The following KRIT1 variants were observed in gnomAD, a reference collection of about 807,000 sequenced individuals.
The protein encoded by KRIT1 is KRIT1 ankyrin repeat containing.
Under a neutral mutation model 95.8 loss-of-function variants are expected in KRIT1, and 45 were observed. That is an observed-to-expected ratio of 0.47 (90% CI 0.37 to 0.60). The LOEUF is 0.60. Ranked by LOEUF, KRIT1 falls within the 20% of genes least tolerant of loss-of-function variation. The pLI is 0.00. For missense variants in KRIT1, 788 were observed against 877.5 expected (o/e 0.90, Z 1.29); for synonymous variants, 282 against 278.8 (o/e 1.01, Z -0.11).
intron 17 of KRIT1, chr7:92,206,496 AG>A: frequency 6.6e-6 from 1 of 152,374 alleles, no homozygotes; most frequent in South Asian, 2.1e-4. Flanking sequence ...AAGAAATCAC[AG>A]GGAGACTATA....
chr7:92,200,646 T>A lies in KRIT1; in HGVS notation c.*90A>T, dbSNP rs113023922. The A allele has an allele frequency of 6.7e-6, 6 of 890,008 alleles. No homozygotes were observed. Among genetic ancestry groups the A allele is most frequent in the Non-Finnish European group, 1.9e-6 (1 of 537,572 alleles). 55.1% of individuals were successfully genotyped at this position (890,008 alleles called of 1,614,324 possible). Reference sequence around the variant, plus strand: ...GAATTACAGGGGTGAGCCACCATGCTCGGCCAAAAGTAATATTTTAAGAAA... The same window carrying A: ...GAATTACAGGGGTGAGCCACCATGCACGGCCAAAAGTAATATTTTAAGAAA... On this transcript the variant is annotated 3_prime_UTR_variant, in exon 19 of 19. Coordinates refer to ENST00000394505, the MANE Select transcript of KRIT1 (RefSeq NM_194454.3).
chr7:92,235,404 C>T lies in KRIT1; in HGVS notation c.728G>A (p.Arg243Gln), dbSNP rs755359146. 5.6e-6 allele frequency: 9 copies of T among 1,613,442 alleles called. No individual in the cohort carries two copies. The Admixed American group carries it at 1.0e-4, about 18-fold the overall frequency. ...LFGSDLQYTN[R>Q]VDKVVINPYF... The stretch of plus-strand genomic sequence containing the variant: ...AGCTAAAATTCATTCAACTCTTACC[C>T]GATTTGTATACTGAAGATCTGATCC... The change falls in exon 8 of 19, where the codon CGG becomes CAG. Residue 243 changes from arginine to glutamine, a missense_variant and splice_region_variant. Coordinates refer to ENST00000394505, the MANE Select transcript of KRIT1 (RefSeq NM_194454.3).
chr7:92,227,072 C>A (rs555997169), intron 10 of KRIT1, among the ~76,000 whole-genome samples: 1 of 152,090 alleles, frequency 6.6e-6, no homozygotes, highest in African/African-American at 2.4e-5. Context: ...CACTTAGGCC[C>A]GGCTGTTTAC....
intron 3 of KRIT1, among the ~76,000 whole-genome samples, chr7:92,242,991 G>T (rs187029406): frequency 6.6e-6 from 1 of 151,998 alleles, no homozygotes; most frequent in Non-Finnish European, 1.5e-5. Context: ...GCTAATTTTT[G>T]TGTCTTTTAG....
intron 10 of KRIT1, among the ~76,000 whole-genome samples, chr7:92,227,727 G>T (rs751178028): frequency 1.4e-4 from 21 of 151,508 alleles, no homozygotes; most frequent in Non-Finnish European, 2.9e-4. Flanking sequence ...TAAAGATGGG[G>T]TTTCGGCCAG....
chr7:92,236,439 T>C lies in KRIT1; in HGVS notation c.459A>G (p.Thr153=), dbSNP rs781246586. 5.6e-6 allele frequency: 9 copies of C among 1,605,406 alleles called. No individual in the cohort carries two copies. The highest frequency in any genetic ancestry group is 7.7e-6 in the Non-Finnish European group (9 of 1,172,400). ...SESSTHFATL[T]ARMLIALDKW... Reference sequence around the variant, plus strand: ...TATCCAAGGCTATTAACATCCTTGCTGTAAGTGTAGCAAAATGAGTACTGG... The same window carrying C: ...TATCCAAGGCTATTAACATCCTTGCCGTAAGTGTAGCAAAATGAGTACTGG... Residue 153 remains threonine (T), a synonymous_variant, in exon 7 of 19, where the codon ACA becomes ACG. Transcript: ENST00000394505.
chr7:92,206,310 G>A (rs755134049), intron 17 of KRIT1: 2 of 152,370 alleles, frequency 1.3e-5, no homozygotes, highest in Non-Finnish European at 2.9e-5. Context: ...GCGCCCACAT[G>A]TACTATCTAG....
rs955403775 is a variant in KRIT1 at position 92,213,487 on chromosome 7, T to G, written c.1819-86A>C. The stretch of plus-strand genomic sequence containing the variant: ...TAATCCAAATAGATCAACTAAGCAG[T>G]TTCTAAAATCAAGATTGCCCCTAAA... On this transcript the variant is annotated intron_variant, in intron 16 of 18. Coordinates refer to ENST00000394505, the MANE Select transcript of KRIT1 (RefSeq NM_194454.3). The G allele has an allele frequency of 9.3e-6, 8 of 863,578 alleles. No homozygotes were observed. The African/African-American group carries it at 1.4e-4, about 15-fold the overall frequency. The allele number at this position is 863,578 out of a possible 1,614,324, so 53.5% of individuals were successfully genotyped here.
rs137861350 is a variant in KRIT1, at chr7:92,214,702, G to C, written c.1639C>G (p.Pro547Ala). 8 of 1,608,102 alleles carry C rather than the reference G, an allele frequency of 5.0e-6. No individual in the cohort carries two copies. The highest frequency in any genetic ancestry group is 6.8e-6 in the Non-Finnish European group (8 of 1,174,704). The change falls in exon 15 of 19, where the codon CCT (proline) becomes GCT (alanine). Residue 547 changes from proline to alanine, a missense_variant. Pro to Ala is a conservative substitution (Grantham distance 27). Transcript: ENST00000394505. ...YNLLKGFYTA[P>A]DAKLITLASL... ...GCCAATGTTATCAGCTTAGCATCAG[G>C]AGCTGTATAAAAGCCCTTCAATAAA...
intron 17 of KRIT1, among the ~76,000 whole-genome samples, chr7:92,204,805 T>C (rs1432464997): frequency 6.6e-6 from 1 of 152,054 alleles, no homozygotes; most frequent in Non-Finnish European, 1.5e-5. Context: ...TTACAGGCCA[T>C]GGACCGGTAC....
Position 92,237,362 on chromosome 7 carries a change from T to C in KRIT1, c.355+305A>G, listed in dbSNP as rs534282412. On this transcript the variant is annotated intron_variant, in intron 6 of 18. Transcript: ENST00000394505. The stretch of plus-strand genomic sequence containing the variant: ...TAAGGATCAATTTTTATTTTATCTA[T>C]GGCATATCTTTAGAAAAATCCTTTA... Among the ~76,000 whole-genome samples the C allele has an allele frequency of 8.5e-5, 13 of 152,268 alleles. No individual in the cohort carries two copies. In the South Asian group the frequency reaches 2.3e-3, roughly 27 times the overall value.
At chr7:92,245,627 TTC>T (rs1375120932) in intron 1 of KRIT1, 161 bp downstream of exon 1, 1 of 151,882 alleles carries the variant, frequency 6.6e-6, no homozygotes, top group Admixed American at 6.6e-5. Context: ...CGTCACCGCT[TTC>T]TCATTCCTCC....
At chr7:92,235,302 C>CATGTTTAT (rs1554528430) in intron 8 of KRIT1, 101 bp downstream of exon 8, 1 of 1,220,764 alleles carries the variant, frequency 8.2e-7, no homozygotes, top group African/African-American at 1.5e-5. Context: ...ACCAGGCCTT[C>CATGTTTAT]ATGTTTATAA....
In KRIT1 at chr7:92,201,395, C is replaced by A; in HGVS notation, c.2054G>T (p.Cys685Phe). Reference sequence around the variant, plus strand: ...AGTATCTCCCAATTGCCACATAAAACAACCATACTTAAGACTGATGAGTAA... The same window carrying A: ...AGTATCTCCCAATTGCCACATAAAAAAACCATACTTAAGACTGATGAGTAA... ...KALLISLKYG[C>F]FMWQLGDTDT... is the part of the protein sequence containing the mutation. Residue 685 changes from cysteine (C) to phenylalanine (F), a missense_variant, in exon 18 of 19, where the codon TGT becomes TTT. This residue lies in a region of KRIT1 where 493 missense variants were observed against 582.3 expected (regional missense o/e 0.85). Transcript: ENST00000394505. 1 of 1,588,200 alleles carries A rather than the reference C, an allele frequency of 6.3e-7. No individual in the cohort carries two copies. Among genetic ancestry groups the A allele is most frequent in the East Asian group, 2.2e-5 (1 of 44,632 alleles).
In KRIT1 at chr7:92,241,006, G is replaced by A; in HGVS notation, c.249C>T (p.Asn83=). 1 of 1,610,564 alleles carries A rather than the reference G, an allele frequency of 6.2e-7. No individual in the cohort carries two copies. Among genetic ancestry groups the A allele is most frequent in the Non-Finnish European group, 8.5e-7 (1 of 1,176,874 alleles). Residue 83 remains asparagine (N), a synonymous_variant, in exon 5 of 19, where the codon AAC becomes AAT. Transcript: ENST00000394505. ...GAAGTTTCCTACCTCTGATACCCTGGTTTGCAGGAGAAATTGGTTTGGTGG... is the reference window on the plus strand; with the variant it reads ...GAAGTTTCCTACCTCTGATACCCTGATTTGCAGGAGAAATTGGTTTGGTGG... ...VETTKPISPA[N]QGIRGKRVVL... is the part of the protein sequence containing the mutation.
At position 92,214,708 on chromosome 7, in the gene KRIT1, T is replaced by C; in HGVS notation, c.1633A>G (p.Thr545Ala). 6 of 1,607,578 alleles carry C rather than the reference T, an allele frequency of 3.7e-6. No homozygotes were observed. The highest frequency in any genetic ancestry group is 5.1e-6 in the Non-Finnish European group (6 of 1,174,194). Residue 545 changes from threonine (T) to alanine (A), a missense_variant, in exon 15 of 19, where the codon ACA becomes GCA. By Grantham distance (58) the Thr-to-Ala change is moderately conservative (BLOSUM62 0). Coordinates refer to ENST00000394505, the MANE Select transcript of KRIT1 (RefSeq NM_194454.3). ...GTTATCAGCTTAGCATCAGGAGCTGTATAAAAGCCCTTCAATAAATTATAT... is the reference window on the plus strand; with the variant it reads ...GTTATCAGCTTAGCATCAGGAGCTGCATAAAAGCCCTTCAATAAATTATAT... ...ARYNLLKGFY[T>A]APDAKLITLA... is the part of the protein sequence containing the mutation.
intron 10 of KRIT1, among the ~76,000 whole-genome samples, chr7:92,229,582 C>G (rs954045172): frequency 2.6e-5 from 4 of 152,154 alleles, no homozygotes; most frequent in Admixed American, 6.5e-5. Context: ...CAAATCAAAG[C>G]CACAATATTC....
At position 92,214,255 on chromosome 7, in the gene KRIT1, T is replaced by C. The variant is rs1793478076; in HGVS notation, c.1731-276A>G. Among the ~76,000 whole-genome samples, 3 of 152,168 alleles carry C rather than the reference T, an allele frequency of 2.0e-5. No homozygotes were observed. The South Asian group carries it at 6.2e-4, about 31-fold the overall frequency. On this transcript the variant is annotated intron_variant, in intron 15 of 18. Transcript: ENST00000394505. ...CAGATATGCTTAAAACCTCAGTGTT[T>C]TCTCTCAAAGACTGAACATAAAACT... is the stretch of plus-strand genomic sequence containing the variant.
chr7:92,230,184 G>T (rs1318622110), intron 10 of KRIT1, among the ~76,000 whole-genome samples: 1 of 151,982 alleles, frequency 6.6e-6, no homozygotes, highest in Non-Finnish European at 1.5e-5. Context: ...GTAGGCAGAG[G>T]TACTTTTTTA....
Sources: allele counts gnomAD v4.1 joint callset (sites outside exome capture counted in the v4.1 genomes callset), GRCh38; gene constraint gnomAD v4.1.1; regional missense constraint gnomAD v4.1.1; transcripts MANE v1.5; gene names NCBI Gene and HGNC (gene_info 2026-07-23, HGNC 2026-07-21).